Variants in LCORL observed in about 807,000 individuals in gnomAD.
LCORL encodes the protein ligand-dependent nuclear receptor corepressor-like protein.
LCORL carries 41 observed loss-of-function variants against 141.8 expected under a neutral mutation model. That is an observed-to-expected ratio of 0.29 (90% CI 0.23 to 0.38). The LOEUF (loss-of-function observed/expected upper bound fraction) is 0.38. Ranked by LOEUF, LCORL falls within the 10% of genes least tolerant of loss-of-function variation. The pLI is 1.00. For missense variants in LCORL, 1,759 were observed against 2,035.0 expected (o/e 0.86, Z 2.61); for synonymous variants, 618 against 694.1 (o/e 0.89, Z 1.72).
At chr4:17,886,334 T>C (rs907208758) in intron 5 of LCORL, among the ~76,000 whole-genome samples, 173 bp from the exon 6 acceptor site, 8 of 152,038 alleles carry the variant, frequency 5.3e-5, no homozygotes, top group African/African-American at 2.4e-5. Flanking sequence ...AGGCACTATA[T>C]AGGAAAAAAA....
exon 8 of LCORL, chr4:17,843,435 T>C: frequency 6.2e-7 from 1 of 1,610,252 alleles, no homozygotes. Context: ...GGAAAGACGA[T>C]GGAGGTGGAA....
intron 5 of LCORL, among the ~76,000 whole-genome samples, chr4:17,905,308 C>CT (rs1381885980): frequency 6.6e-6 from 1 of 151,838 alleles, no homozygotes. Context: ...TGTAGAATAA[C>CT]TTTTTTTGTA....
intron 1 of LCORL, among the ~76,000 whole-genome samples, chr4:17,993,569 T>C (rs1368923783): frequency 6.6e-6 from 1 of 152,200 alleles, no homozygotes; most frequent in East Asian, 1.9e-4. Flanking sequence ...AAGAATGTGA[T>C]ATGAAAGGAG....
chr4:17,944,951 T>C (rs761030782), intron 4 of LCORL, among the ~76,000 whole-genome samples: 3 of 152,120 alleles, frequency 2.0e-5, no homozygotes, highest in Admixed American at 6.5e-5. Context: ...AACTAGCCAA[T>C]AGCAGACAGT....
chr4:17,975,014 C>T (rs1013897554), intron 1 of LCORL, among the ~76,000 whole-genome samples: 6 of 152,002 alleles, frequency 3.9e-5, no homozygotes, highest in African/African-American at 1.4e-4. Flanking sequence ...GATCTTTTTA[C>T]AAAAGATCAA....
At chr4:17,901,204 C>A (rs1014594998) in intron 5 of LCORL, among the ~76,000 whole-genome samples, 1 of 151,266 alleles carries the variant, frequency 6.6e-6, no homozygotes, top group Non-Finnish European at 1.5e-5. Context: ...TCCAAGACAA[C>A]CTGCAGAATA....
intron 4 of LCORL, among the ~76,000 whole-genome samples, chr4:17,945,106 A>T (rs1284397924): frequency 4.6e-5 from 7 of 152,156 alleles, no homozygotes; most frequent in Non-Finnish European, 1.0e-4. Context: ...GCAAATTAAG[A>T]AACACAGAGA....
At chr4:17,952,319 T>C (rs986561816) in intron 4 of LCORL, among the ~76,000 whole-genome samples, 3 of 151,884 alleles carry the variant, frequency 2.0e-5, no homozygotes, top group Non-Finnish European at 2.9e-5. Flanking sequence ...TGAATTAGAA[T>C]ACACATTAGA....
chr4:17,965,230 A>G (rs898736273), intron 2 of LCORL, among the ~76,000 whole-genome samples: 7 of 152,108 alleles, frequency 4.6e-5, no homozygotes, highest in African/African-American at 1.7e-4. Flanking sequence ...CAAATATTTA[A>G]TCACTCTTTC....
chr4:17,934,000 T>C (rs1736453976), intron 4 of LCORL, among the ~76,000 whole-genome samples: 1 of 152,084 alleles, frequency 6.6e-6, no homozygotes, highest in African/African-American at 2.4e-5. Flanking sequence ...AAATGGTACC[T>C]TGCCAAGACT....
At chr4:17,868,231 G>A (rs1725915121) in intron 7 of LCORL, among the ~76,000 whole-genome samples, 1 of 152,140 alleles carries the variant, frequency 6.6e-6, no homozygotes, top group African/African-American at 2.4e-5. Context: ...ACAAACCTGT[G>A]TGAAAACCAG....
intron 2 of LCORL, among the ~76,000 whole-genome samples, chr4:17,967,518 A>AT (rs956309720): frequency 3.9e-5 from 6 of 152,162 alleles, no homozygotes; most frequent in Admixed American, 2.0e-4. Flanking sequence ...TTTCTACTCA[A>AT]TTTTTTCTGT....
intron 4 of LCORL, among the ~76,000 whole-genome samples, chr4:17,943,115 TC>T (rs1294124136): frequency 6.6e-6 from 1 of 152,172 alleles, no homozygotes; most frequent in Non-Finnish European, 1.5e-5. Flanking sequence ...GGACTGCTGA[TC>T]CGGCGGCTCA....
chr4:17,909,402 A>G (rs1732151997), intron 4 of LCORL, 57 bp from the exon 5 acceptor site: 3 of 1,234,550 alleles, frequency 2.4e-6, no homozygotes, highest in Non-Finnish European at 3.3e-6. Flanking sequence ...AATCACCAAC[A>G]TTTAAATTTA....
chr4:17,917,616 A>T lies in LCORL; in HGVS notation c.431-8271T>A, dbSNP rs1056429150. On this transcript the variant is annotated intron_variant, in intron 4 of 7. Transcript: ENST00000635767. ...AAAGCAAATGATGCCAACATTAAGAAATGCTTATTGAGCTAAGATTAAATC... is the reference window on the plus strand; with the variant it reads ...AAAGCAAATGATGCCAACATTAAGATATGCTTATTGAGCTAAGATTAAATC... Among the ~76,000 whole-genome samples, 7 of 152,394 alleles carry T rather than the reference A, an allele frequency of 4.6e-5. No homozygotes were observed. The East Asian group carries it at 1.2e-3, about 25-fold the overall frequency.
chr4:17,890,755 A>C (rs1046262147), intron 5 of LCORL, among the ~76,000 whole-genome samples: 1 of 152,124 alleles, frequency 6.6e-6, no homozygotes, highest in Admixed American at 6.5e-5. Flanking sequence ...TTCAATTTAA[A>C]AATAAACTGA....
chr4:17,874,961 T>C, exon 7 of LCORL: 2 of 1,233,856 alleles, frequency 1.6e-6, no homozygotes, highest in Non-Finnish European at 2.0e-6. Context: ...AAGATGCTAA[T>C]GAATGTAAGA....
Position 17,884,260 on chromosome 4 carries a change from T to G in LCORL, c.776+1808A>C, listed in dbSNP as rs1179236031. The G allele has an allele frequency of 7.7e-6, 12 of 1,550,690 alleles. No individual in the cohort carries two copies. The East Asian group carries it at 2.9e-4, about 38-fold the overall frequency. On this transcript the variant is annotated intron_variant, in intron 6 of 7. Transcript: ENST00000635767. The surrounding 1 kb of genome is among the most constrained non-coding windows in gnomAD (Gnocchi z 4.4). ...GACCAGAACCATCAGGTTGTGATTT[T>G]GAGACAGAACTTACTCGTAGCTGAG... is the stretch of plus-strand genomic sequence containing the variant.
chr4:17,881,530 A>G (rs1727574818), intron 6 of LCORL: 2 of 894,810 alleles, frequency 2.2e-6, no homozygotes. Context: ...AAATGCTGCA[A>G]ATTAACTATA....
Sources: gnomAD v4.1 joint callset for allele counts (sites outside exome capture counted in the v4.1 genomes callset) on GRCh38, gnomAD v4.1.1 for gene constraint, Gnocchi (gnomAD v3.1) non-coding constraint, MANE v1.5 for transcripts, NCBI Gene and HGNC (gene_info 2026-07-23, HGNC 2026-07-21) for gene names.